Variants in SATL1 observed in about 807,000 individuals in gnomAD.
SATL1 encodes the protein spermidine/spermine N1-acetyl transferase like 1.
Under a neutral mutation model 51.8 loss-of-function variants are expected in SATL1, and 47 were observed. The observed-to-expected ratio is 0.91, with a 90% CI of 0.72 to 1.16. SATL1 has a LOEUF of 1.16. SATL1 is among the 50% of genes most tolerant of loss of function. The pLI is 0.00. For missense variants in SATL1, 520 were observed against 526.4 expected, an observed-to-expected ratio of 0.99 and a Z score of 0.12; for synonymous variants, 176 against 182.4, an observed-to-expected ratio of 0.97 and a Z score of 0.28.
chrX:85,129,775 C>T (rs1925731449), intron 2 of SATL1, among the ~76,000 whole-genome samples: 1 of 111,570 alleles, frequency 9.0e-6, no homozygotes, highest in Non-Finnish European at 1.9e-5. Flanking sequence ...ATGATATTAG[C>T]TGTGCGTTTG....
chrX:85,108,681 T>C lies in SATL1; in HGVS notation c.288A>G (p.Gln96=), dbSNP rs775362722. The change falls in exon 3 of 8, where the codon CAA becomes CAG. Residue 96 remains glutamine (Q), a synonymous_variant. Coordinates refer to ENST00000644105, the MANE Select transcript of SATL1 (RefSeq NM_001367857.2). ...QPGMLQQELS[Q]LVLSKAGISQ... is the part of the protein sequence containing the mutation. The stretch of plus-strand genomic sequence containing the variant: ...TTATGCCTGCTTTGCTCAGGACTAG[T>C]TGGCTCAGTTCTTGTTGCAGCATGC... 9 of 1,199,526 alleles carry C rather than the reference T, an allele frequency of 7.5e-6. No individual in the cohort carries two copies. In the African/African-American group the frequency reaches 1.1e-4, roughly 14 times the overall value.
chrX:85,105,740 T>C (rs898582474), intron 3 of SATL1, among the ~76,000 whole-genome samples: 1 of 112,285 alleles, frequency 8.9e-6, no homozygotes, highest in East Asian at 2.8e-4. Context: ...AAGGAGAGAA[T>C]GTTTTGCAAA....
chrX:85,181,021 G>A (rs944416145), intron 2 of SATL1, among the ~76,000 whole-genome samples: 2 of 109,399 alleles, frequency 1.8e-5, no homozygotes, highest in African/African-American at 3.3e-5. Flanking sequence ...TATAAAAATC[G>A]TTTAACAAGA....
intron 1 of SATL1, among the ~76,000 whole-genome samples, chrX:85,238,565 A>G (rs1434631295): frequency 2.7e-5 from 3 of 111,566 alleles, no homozygotes; most frequent in Non-Finnish European, 5.7e-5. Flanking sequence ...AGTCTGGGAC[A>G]GGTAGTGGGA....
intron 2 of SATL1, among the ~76,000 whole-genome samples, chrX:85,204,723 A>T (rs1927758350): frequency 1.8e-5 from 2 of 111,841 alleles, no homozygotes; most frequent in Middle Eastern, 4.2e-3. Context: ...ATCCCCTGTG[A>T]ATACGCACAG....
chrX:85,115,710 A>T (rs1329146507), intron 2 of SATL1, among the ~76,000 whole-genome samples: 6 of 112,242 alleles, frequency 5.3e-5, no homozygotes, highest in African/African-American at 1.9e-4. Flanking sequence ...AAACACACAC[A>T]GAGAGAACAG....
intron 2 of SATL1, among the ~76,000 whole-genome samples, chrX:85,131,792 G>T (rs1043508848): frequency 2.7e-5 from 3 of 111,653 alleles, no homozygotes; most frequent in African/African-American, 9.8e-5. Flanking sequence ...GGTACCAGTT[G>T]TTCCTTTCCA....
Position 85,145,370 on chromosome X carries a change from C to T in SATL1, c.-312-36090G>A, listed in dbSNP as rs766061027. Among the ~76,000 whole-genome samples the T allele has an allele frequency of 8.7e-4, 97 of 111,446 alleles. 1 individual carries two copies. The highest frequency in any genetic ancestry group is 3.0e-3 in the African/African-American group (93 of 30,682). On this transcript the variant is annotated intron_variant, in intron 2 of 7. Transcript: ENST00000644105. ...AGATCTTTGTTTTAACCATGATTAC[C>T]TATCAAATAACTGGAATAGTACTTG... is the stretch of plus-strand genomic sequence containing the variant.
In SATL1 at chrX:85,094,989, G is replaced by C. The variant is rs758501787; in HGVS notation, c.1701C>G (p.Leu567=). 4.5e-6 allele frequency: 5 copies of C among 1,110,903 alleles called. No homozygotes were observed. Among genetic ancestry groups the C allele is most frequent in the Non-Finnish European group, 6.2e-6 (5 of 807,439 alleles). The allele number at this position is 1,110,903 out of a possible 1,213,427, so 91.6% of individuals were successfully genotyped here. Residue 567 remains leucine (L), a synonymous_variant, in exon 5 of 8, where the codon CTC becomes CTG. Coordinates refer to ENST00000644105, the MANE Select transcript of SATL1 (RefSeq NM_001367857.2). ...DAMELTAADL[L]RDGFGDNPLF... ...GGGGATTGTCCCCAAAGCCATCTCT[G>C]AGTAAATCTGAAATATCAATTCATA...
Position 85,092,460 on chromosome X carries a change from G to C in SATL1, c.2019C>G (p.Ser673=), listed in dbSNP as rs1437798243. 2 of 1,204,561 alleles carry C rather than the reference G, an allele frequency of 1.7e-6. No individual in the cohort carries two copies. The highest frequency in any genetic ancestry group is 2.3e-4 in the Middle Eastern group (1 of 4,343). ...YYTSRGALDL[S]SEEGWHLFRF... The stretch of plus-strand genomic sequence containing the variant: ...TGAAGAGATGCCAGCCCTCCTCAGA[G>C]GAAAGGTCTAAAGCCCCTCGACTAG... The change falls in exon 8 of 8, where the codon TCC becomes TCG. Residue 673 remains serine (S), a synonymous_variant. Transcript: ENST00000644105.
At chrX:85,151,938 A>G (rs1186250735) in intron 2 of SATL1, among the ~76,000 whole-genome samples, 1 of 110,617 alleles carries the variant, frequency 9.0e-6, no homozygotes, top group South Asian at 3.9e-4. Flanking sequence ...ACCAAAAACA[A>G]TGGCAACAAA....
chrX:85,094,240 A>T lies in SATL1; in HGVS notation c.1775-11T>A, dbSNP rs374938783. 2 of 1,014,998 alleles carry T rather than the reference A, an allele frequency of 2.0e-6. No homozygotes were observed. The highest frequency in any genetic ancestry group is 3.7e-5 in the African/African-American group (2 of 53,489). The allele number at this position is 1,014,998 out of a possible 1,213,427, so 83.6% of individuals were successfully genotyped here. A position where few individuals can be genotyped will look rare whatever the true frequency, so the allele number is the denominator to read the frequency against. On this transcript the variant is annotated splice_polypyrimidine_tract_variant and intron_variant, in intron 5 of 7. Transcript: ENST00000644105. ...CAACAGTCAGTTTGCCTAGGAAGGG[A>T]GAAGAAAGGGTGTAGAAAGGTTGGT...
At chrX:85,212,883 T>G (rs1927958482) in intron 2 of SATL1, 2 of 111,277 alleles carry the variant, frequency 1.8e-5, no homozygotes, top group Admixed American at 9.6e-5. Flanking sequence ...GTAAAGGTAA[T>G]ATAATAAATA....
chrX:85,174,019 G>A (rs1221693573), intron 2 of SATL1, among the ~76,000 whole-genome samples: 2 of 105,382 alleles, frequency 1.9e-5, no homozygotes, highest in East Asian at 3.1e-4. Context: ...GAGAACATGC[G>A]GTGTTTGGTT....
At chrX:85,103,524 T>C (rs1236424792) in intron 4 of SATL1, among the ~76,000 whole-genome samples, 2 of 111,878 alleles carry the variant, frequency 1.8e-5, no homozygotes, top group Non-Finnish European at 3.8e-5. Context: ...TTGAAAATAT[T>C]TTAAATCATT....
chrX:85,135,738 C>G (rs1388073067), intron 2 of SATL1, among the ~76,000 whole-genome samples: 4 of 107,636 alleles, frequency 3.7e-5, no homozygotes, highest in East Asian at 5.9e-4. Flanking sequence ...CCACCGTGCT[C>G]GAGTAATTTT....
At chrX:85,121,134 AT>A in intron 2 of SATL1, among the ~76,000 whole-genome samples, 1 of 110,432 alleles carries the variant, frequency 9.1e-6, no homozygotes, top group East Asian at 2.8e-4. Flanking sequence ...TAAAATGGAA[AT>A]GATAACACTT....
At chrX:85,214,946 C>T (rs1037834215) in intron 2 of SATL1, among the ~76,000 whole-genome samples, 2 of 112,000 alleles carry the variant, frequency 1.8e-5, no homozygotes, top group African/African-American at 3.2e-5. Flanking sequence ...CACGTGGCTG[C>T]TCTCATGGGT....
intron 2 of SATL1, among the ~76,000 whole-genome samples, chrX:85,137,920 C>T (rs1926003298): frequency 9.0e-6 from 1 of 111,601 alleles, no homozygotes; most frequent in African/African-American, 3.3e-5. Context: ...CTTTCCTCAG[C>T]CATGTTCAGT....
Sources: gnomAD v4.1 joint callset for allele counts (sites outside exome capture counted in the v4.1 genomes callset) on GRCh38, gnomAD v4.1.1 for gene constraint, MANE v1.5 for transcripts, NCBI Gene and HGNC (gene_info 2026-07-23, HGNC 2026-07-21) for gene names.